LGI3: variants seen among roughly 807,000 people sequenced by gnomAD.
LGI3 encodes leucine rich repeat LGI family member 3.
Under a neutral mutation model 55.4 loss-of-function variants are expected in LGI3, and 47 were observed. That is an observed-to-expected ratio of 0.85 (90% CI 0.67 to 1.08). The LOEUF (loss-of-function observed/expected upper bound fraction) is 1.08, where lower values mean the gene tolerates loss of function less well. LGI3 is among the 50% of genes least tolerant of loss of function. The pLI, the probability that LGI3 is intolerant of heterozygous loss-of-function variation, is 0.00. For missense variants in LGI3, 664 were observed against 726.3 expected, an observed-to-expected ratio of 0.91 and a Z score of 0.99; for synonymous variants, 326 against 315.0, an observed-to-expected ratio of 1.04 and a Z score of -0.37.
intron 5 of LGI3, 27 bp from the exon 6 acceptor site, chr8:22,152,027 G>T (rs1275639702): frequency 6.4e-7 from 1 of 1,558,430 alleles, no homozygotes; most frequent in South Asian, 1.2e-5. Flanking sequence ...GAGGAGGGGG[G>T]CACAGAGAAA....
intron 5 of LGI3, among the ~76,000 whole-genome samples, chr8:22,153,126 C>G (rs1827402375): frequency 6.7e-6 from 1 of 149,656 alleles, no homozygotes; most frequent in Admixed American, 6.6e-5. Context: ...CTCTTGTCGC[C>G]CAGGCTGGAG....
intron 2 of LGI3, chr8:22,154,985 G>C (rs1403278311): frequency 4.9e-6 from 2 of 407,210 alleles, no homozygotes; most frequent in Non-Finnish European, 9.0e-6. Context: ...CATCTTGTAG[G>C]GTTGGAGACA....
rs912642019 is a variant in LGI3 at position 22,148,028 on chromosome 8, T to G, written c.*132A>C. The G allele has an allele frequency of 3.9e-6, 3 of 763,410 alleles. No homozygotes were observed. The highest frequency in any genetic ancestry group is 6.5e-6 in the Non-Finnish European group (3 of 463,488). The allele number at this position is 763,410 out of a possible 1,614,324, so 47.3% of individuals were successfully genotyped here. Reference sequence around the variant, plus strand: ...GTCCACGGGGTGCGCCTGTACACACTGGGCGTGTGCGGATACAAGGGCATG... The same window carrying G: ...GTCCACGGGGTGCGCCTGTACACACGGGGCGTGTGCGGATACAAGGGCATG... On this transcript the variant is annotated 3_prime_UTR_variant, in exon 8 of 8. Coordinates refer to ENST00000306317, the MANE Select transcript of LGI3 (RefSeq NM_139278.4). The surrounding 1 kb of genome is among the most constrained non-coding windows in gnomAD (Gnocchi z 7.0).
chr8:22,156,393 G>A lies in LGI3; in HGVS notation c.150C>T (p.Ala50=). Residue 50 remains alanine (A), a synonymous_variant, in exon 1 of 8, where the codon GCC becomes GCT. Transcript: ENST00000306317. ...GCACCGCCTTTGAGTCCACGCAGAA[G>A]GCGGTGTCCCTGGTGCAAGAGCAGC... ...PPSCSCTRDT[A]FCVDSKAVPR... 1 of 1,603,824 alleles carries A rather than the reference G, an allele frequency of 6.2e-7. No individual in the cohort carries two copies. The highest frequency in any genetic ancestry group is 8.5e-7 in the Non-Finnish European group (1 of 1,176,364).
Position 22,154,131 on chromosome 8 carries a change from G to C in LGI3, c.422+11C>G. The C allele has an allele frequency of 6.2e-7, 1 of 1,610,666 alleles. No homozygotes were observed. The highest frequency in any genetic ancestry group is 1.1e-5 in the South Asian group (1 of 91,016). On this transcript the variant is annotated intron_variant, in intron 4 of 7. Transcript: ENST00000306317. ...GCTTTGGTGCAGTGTGTGTATGTGT[G>C]ACGTACTCACAGGTGAGTCAAGGAC... is the stretch of plus-strand genomic sequence containing the variant.
At chr8:22,155,132 C>T in intron 2 of LGI3, 1 of 531,456 alleles carries the variant, frequency 1.9e-6, no homozygotes, top group Non-Finnish European at 3.4e-6. Flanking sequence ...TCTGGGGTTT[C>T]CAGAGCAGCC....
rs901094944 is a variant in LGI3 at position 22,147,826 on chromosome 8, G to GC, written c.*333dup. On this transcript the variant is annotated 3_prime_UTR_variant, in exon 8 of 8. Transcript: ENST00000306317. ...AGAAGCACAAGGACAGGAGGATGCG[G>GC]CCCCCCTCGCTCCCAGCACCCCGCA... The GC allele has an allele frequency of 1.3e-4, 35 of 269,692 alleles. No homozygotes were observed. Among genetic ancestry groups the GC allele is most frequent in the Admixed American group, 5.9e-4 (12 of 20,494 alleles). The allele number at this position is 269,692 out of a possible 1,614,324, so 16.7% of individuals were successfully genotyped here.
chr8:22,153,868 C>T, intron 5 of LGI3, 100 bp downstream of exon 5: 1 of 1,282,408 alleles, frequency 7.8e-7, no homozygotes, highest in African/African-American at 1.5e-5. Context: ...TTCCCAGCCT[C>T]TCAAGACCTT....
intron 7 of LGI3, among the ~76,000 whole-genome samples, chr8:22,149,821 C>A (rs144826220): frequency 6.6e-6 from 1 of 152,194 alleles, no homozygotes; most frequent in East Asian, 1.9e-4. Context: ...GCAGTCACTG[C>A]CTAAATACCT....
Position 22,155,460 on chromosome 8 carries a change from G to C in LGI3, c.210C>G (p.Thr70=). The C allele has an allele frequency of 6.8e-6, 11 of 1,613,666 alleles. No individual in the cohort carries two copies. Among genetic ancestry groups the C allele is most frequent in the Non-Finnish European group, 9.3e-6 (11 of 1,179,914 alleles). Reference sequence around the variant, plus strand: ...TCTCTGAGAAGGCGGCATTCACCAGGGTCCTGCGGGGACACCCGAGTCAGT... The same window carrying C: ...TCTCTGAGAAGGCGGCATTCACCAGCGTCCTGCGGGGACACCCGAGTCAGT... ...RNLPSEVISL[T]LVNAAFSEIQ... Residue 70 remains threonine (T), a synonymous_variant, in exon 2 of 8, where the codon ACC becomes ACG. Coordinates refer to ENST00000306317, the MANE Select transcript of LGI3 (RefSeq NM_139278.4).
intron 7 of LGI3, 65 bp from the exon 8 acceptor site, chr8:22,149,042 T>C (rs1827345711): frequency 1.7e-6 from 2 of 1,208,906 alleles, no homozygotes; most frequent in Admixed American, 4.4e-5. Flanking sequence ...CCAACCCCCT[T>C]GGAGAAGGCC....
intron 6 of LGI3, 78 bp downstream of exon 6, chr8:22,151,753 C>A (rs868639815): frequency 2.6e-6 from 4 of 1,567,672 alleles, no homozygotes; most frequent in Admixed American, 1.7e-5. Context: ...TGTTGTGGGG[C>A]AGGGTGGGGG....
intron 2 of LGI3, chr8:22,155,063 T>G: frequency 4.6e-6 from 2 of 438,768 alleles, no homozygotes; most frequent in South Asian, 5.3e-5. Context: ...ATCACCTGTC[T>G]CTAAGATGGC....
chr8:22,154,619 G>A lies in LGI3; in HGVS notation c.291C>T (p.Ser97=), dbSNP rs1220943351. The A allele has an allele frequency of 6.2e-7, 1 of 1,613,670 alleles. No homozygotes were observed. Among genetic ancestry groups the A allele is most frequent in the Non-Finnish European group, 8.5e-7 (1 of 1,179,604 alleles). Reference sequence around the variant, plus strand: ...TGTCTCCAATCAGTGTAAACTTGTTGGAGTTGAGTAACCTGCAGAGACAAA... The same window carrying A: ...TGTCTCCAATCAGTGTAAACTTGTTAGAGTTGAGTAACCTGCAGAGACAAA... The part of the protein sequence containing the change: ...LPLLQFLLLN[S]NKFTLIGDNA... Residue 97 remains serine (S), a synonymous_variant, in exon 3 of 8, where the codon TCC becomes TCT. Coordinates refer to ENST00000306317, the MANE Select transcript of LGI3 (RefSeq NM_139278.4).
Position 22,148,812 on chromosome 8 carries a change from A to G in LGI3, c.995T>C (p.Leu332Pro), listed in dbSNP as rs760179988. The G allele has an allele frequency of 6.2e-7, 1 of 1,614,198 alleles. No individual in the cohort carries two copies. The highest frequency in any genetic ancestry group is 8.5e-7 in the Non-Finnish European group (1 of 1,180,020). ...GTCACCGTCGATGCGGAAGGCTTCTAGGTCGTTAGGCTTGCGCACGCGCTG... is the reference window on the plus strand; with the variant it reads ...GTCACCGTCGATGCGGAAGGCTTCTGGGTCGTTAGGCTTGCGCACGCGCTG... ...DPQRVRKPND[L>P]EAFRIDGDWY... Residue 332 changes from leucine to proline, a missense_variant, in exon 8 of 8, where the codon CTA becomes CCA. Leu to Pro is a moderately conservative substitution (Grantham distance 98, BLOSUM62 -3). Coordinates refer to ENST00000306317, the MANE Select transcript of LGI3 (RefSeq NM_139278.4). This position sits in a 1 kb window ranked among gnomAD's most constrained non-coding sequence, Gnocchi z 7.0.
intron 5 of LGI3, 130 bp from the exon 6 acceptor site, chr8:22,152,130 G>GT (rs1203095843): frequency 2.9e-6 from 2 of 678,274 alleles, no homozygotes; most frequent in African/African-American, 3.6e-5. Flanking sequence ...ATGCATCTTT[G>GT]TAAGATTAGA....
chr8:22,146,913 C>T lies in LGI3; in HGVS notation c.*1247G>A, dbSNP rs563474715. ...CCTGGTATCCTGCTACAAGGAGCAT[C>T]ACACCATTTGGGCACATGGTGTGCC... On this transcript the variant is annotated 3_prime_UTR_variant, in exon 8 of 8. Coordinates refer to ENST00000306317, the MANE Select transcript of LGI3 (RefSeq NM_139278.4). The T allele has an allele frequency of 6.6e-6, 1 of 152,358 alleles. No individual in the cohort carries two copies. Among genetic ancestry groups the T allele is most frequent in the African/African-American group, 2.4e-5 (1 of 41,584 alleles). 9.4% of individuals were successfully genotyped at this position (152,358 alleles called of 1,614,324 possible).
At position 22,148,521 on chromosome 8, in the gene LGI3, A is replaced by C; in HGVS notation, c.1286T>G (p.Phe429Cys). 2 of 1,613,646 alleles carry C rather than the reference A, an allele frequency of 1.2e-6. No individual in the cohort carries two copies. The highest frequency in any genetic ancestry group is 1.1e-5 in the South Asian group (1 of 91,058). Residue 429 changes from phenylalanine to cysteine, a missense_variant, in exon 8 of 8, where the codon TTT (phenylalanine) becomes TGT (cysteine). Phe to Cys is a radical substitution (Grantham distance 205, BLOSUM62 -2). Transcript: ENST00000306317. The surrounding 1 kb of genome is among the most constrained non-coding windows in gnomAD (Gnocchi z 7.0). ...CAGGTAGCTGTCGCGGCCGGCACGA[A>C]AGTGTTTCACAGCTTGGGCATCAGG... is the stretch of plus-strand genomic sequence containing the variant. ...QVPDAQAVKH[F>C]RAGRDSYLCL...
chr8:22,154,188 C>T lies in LGI3; in HGVS notation c.376G>A (p.Ala126Thr), dbSNP rs1827455343. The T allele has an allele frequency of 1.2e-6, 2 of 1,614,020 alleles. No homozygotes were observed. The highest frequency in any genetic ancestry group is 1.7e-6 in the Non-Finnish European group (2 of 1,179,990). Residue 126 changes from alanine to threonine, a missense_variant, in exon 4 of 8, where the codon GCA (alanine) becomes ACA (threonine). Physicochemically the swap from Ala to Thr is moderately conservative, Grantham distance 58 (BLOSUM62 0). Coordinates refer to ENST00000306317, the MANE Select transcript of LGI3 (RefSeq NM_139278.4). Reference protein sequence around the residue: ...YLFIENNDIWALSKFTFRGLK... With the variant: ...YLFIENNDIWTLSKFTFRGLK... ...CCTCGGAAGGTGAACTTGGATAGTGCCCAGATGTCATTGTTCTCAATGAAG... is the reference window on the plus strand; with the variant it reads ...CCTCGGAAGGTGAACTTGGATAGTGTCCAGATGTCATTGTTCTCAATGAAG...
Sources: allele counts gnomAD v4.1 joint callset (sites outside exome capture counted in the v4.1 genomes callset), GRCh38; gene constraint gnomAD v4.1.1; non-coding constraint Gnocchi (gnomAD v3.1); transcripts MANE v1.5; gene names NCBI Gene and HGNC (gene_info 2026-07-23, HGNC 2026-07-21).